The following PARPBP variants were observed in gnomAD, a reference collection of about 807,000 sequenced individuals.
PARPBP encodes the protein PARP1 binding protein.
Under a neutral mutation model 50.0 loss-of-function variants are expected in PARPBP, and 52 were observed. That is an observed-to-expected ratio of 1.04 (90% CI 0.83 to 1.31). The LOEUF is 1.31. Ranked by LOEUF, PARPBP falls within the 50% of genes most tolerant of loss-of-function variation. PARPBP has a pLI of 0.00. For missense variants in PARPBP, 697 were observed against 672.0 expected (o/e 1.04, Z -0.41); for synonymous variants, 244 against 232.1 (o/e 1.05, Z -0.47).
chr12:102,184,046 G>GAAAAA (rs71438459), intron 9 of PARPBP, among the ~76,000 whole-genome samples: 26 of 59,900 alleles, frequency 4.3e-4, no homozygotes, highest in Admixed American at 8.4e-4. Context: ...GACTCTATCT[G>GAAAAA]AAAAAAAAAA....
intron 9 of PARPBP, among the ~76,000 whole-genome samples, chr12:102,187,542 T>A (rs1890407709): frequency 6.6e-6 from 1 of 152,172 alleles, no homozygotes; most frequent in African/African-American, 2.4e-5. Context: ...CCTAATGAGA[T>A]GAAGTGAACC....
At chr12:102,181,285 A>G (rs564046176) in intron 8 of PARPBP, among the ~76,000 whole-genome samples, 1 of 152,318 alleles carries the variant, frequency 6.6e-6, no homozygotes, top group South Asian at 2.1e-4. Context: ...TAAGCAAACT[A>G]TTAATATTTA....
intron 4 of PARPBP, among the ~76,000 whole-genome samples, chr12:102,157,975 C>A (rs1887135914): frequency 6.6e-6 from 1 of 151,744 alleles, no homozygotes; most frequent in African/African-American, 2.4e-5. Context: ...AAAAAAGTAG[C>A]CAGGTGTAAT....
chr12:102,128,370 T>A (rs1055055673), intron 2 of PARPBP, among the ~76,000 whole-genome samples: 5 of 152,290 alleles, frequency 3.3e-5, no homozygotes, highest in African/African-American at 1.2e-4. Context: ...TAGCTGGGAC[T>A]GCAGGCACCC....
intron 4 of PARPBP, among the ~76,000 whole-genome samples, chr12:102,160,840 TGGGA>T (rs1368374345): frequency 6.6e-6 from 1 of 151,640 alleles, no homozygotes; most frequent in African/African-American, 2.4e-5. Context: ...CTCAGCTACT[TGGGA>T]GGCTGAGGCA....
Position 102,175,126 on chromosome 12 carries a change from T to C in PARPBP, c.822-357T>C, listed in dbSNP as rs372851124. Among the ~76,000 whole-genome samples, 17 of 152,320 alleles carry C rather than the reference T, an allele frequency of 1.1e-4. 1 individual carries two copies. Among genetic ancestry groups the C allele is most frequent in the Admixed American group, 2.0e-4 (3 of 15,292 alleles). The stretch of plus-strand genomic sequence containing the variant: ...TAAATGAATGTAAGAGTCTAGATAT[T>C]CAATGAGAGATAACTGTTCTTGTTA... On this transcript the variant is annotated intron_variant, in intron 6 of 10. Coordinates refer to ENST00000327680, the MANE Select transcript of PARPBP (RefSeq NM_017915.5).
chr12:102,175,489 AG>A lies in PARPBP; in HGVS notation c.833del (p.Gly278ValfsTer6). ...LGEIPNPSIA[G>X]GQILSVIKMQ... is the part of the protein sequence containing the mutation. Reference sequence around the variant, plus strand: ...ATCTAATTTCTATTTTCAGCATTGCAGGGGGTCAAATACTGTCAGTGATAAA... The same window carrying A: ...ATCTAATTTCTATTTTCAGCATTGCAGGGGTCAAATACTGTCAGTGATAAA... On this transcript the variant is annotated frameshift_variant, in exon 7 of 11. Coordinates refer to ENST00000327680, the MANE Select transcript of PARPBP (RefSeq NM_017915.5). LOFTEE classifies it high-confidence loss of function. 2.5e-6 allele frequency: 4 copies of A among 1,610,490 alleles called. No individual in the cohort carries two copies. Among genetic ancestry groups the A allele is most frequent in the African/African-American group, 2.7e-5 (2 of 74,964 alleles).
chr12:102,152,397 A>G (rs1253345439), intron 3 of PARPBP, among the ~76,000 whole-genome samples: 1 of 152,250 alleles, frequency 6.6e-6, no homozygotes, highest in Non-Finnish European at 1.5e-5. Context: ...TCTAGCAGAG[A>G]TGTAATGATG....
At chr12:102,184,062 A>AAG (rs1419095025) in intron 9 of PARPBP, among the ~76,000 whole-genome samples, 1 of 151,278 alleles carries the variant, frequency 6.6e-6, no homozygotes, top group Non-Finnish European at 1.5e-5. Flanking sequence ...AAAAAAAAAA[A>AAG]AAAAGAAAGA....
Position 102,164,609 on chromosome 12 carries a change from G to A in PARPBP, c.666+1G>A, listed in dbSNP as rs780072911. 2.5e-6 allele frequency: 4 copies of A among 1,612,660 alleles called. No homozygotes were observed. Among genetic ancestry groups the A allele is most frequent in the Non-Finnish European group, 2.5e-6 (3 of 1,178,984 alleles). On this transcript the variant is annotated splice_donor_variant, in intron 5 of 10. Transcript: ENST00000327680. LOFTEE classifies it high-confidence loss of function. ...AGAGAAACAAATGTCTATCTTTTTGGTATGGTTGTGTGACATGTTCAAAAT... is the reference window on the plus strand; with the variant it reads ...AGAGAAACAAATGTCTATCTTTTTGATATGGTTGTGTGACATGTTCAAAAT...
intron 9 of PARPBP, among the ~76,000 whole-genome samples, chr12:102,192,343 A>T (rs192730920): frequency 6.6e-6 from 1 of 152,116 alleles, no homozygotes; most frequent in East Asian, 1.9e-4. Context: ...TATTCCCATT[A>T]TGTGTGGATA....
rs978788691 is a variant in PARPBP, at chr12:102,120,241, C to T, written c.-49C>T. ...CGCGGGAGGGCATCCCGTTGGGGAT[C>T]CTTCCGCACACTGAAGAGTACGTCT... On this transcript the variant is annotated 5_prime_UTR_variant, in exon 1 of 11. Coordinates refer to ENST00000327680, the MANE Select transcript of PARPBP (RefSeq NM_017915.5). The T allele has an allele frequency of 9.1e-6, 2 of 220,368 alleles. No homozygotes were observed. Among genetic ancestry groups the T allele is most frequent in the East Asian group, 1.5e-4 (1 of 6,786 alleles). 13.7% of individuals were successfully genotyped at this position (220,368 alleles called of 1,614,324 possible). A position where few individuals can be genotyped will look rare whatever the true frequency, so the allele number is the denominator to read the frequency against.
intron 3 of PARPBP, chr12:102,151,749 G>A (rs1262984817): frequency 3.3e-6 from 5 of 1,535,642 alleles, no homozygotes; most frequent in Non-Finnish European, 3.5e-6. Flanking sequence ...TTCCCATCAC[G>A]GTCCAGAAGA....
At position 102,167,996 on chromosome 12, in the gene PARPBP, A is replaced by C. The variant is rs1182081413; in HGVS notation, c.821+2113A>C. 2.0e-5 allele frequency among the ~76,000 whole-genome samples: 3 copies of C among 152,096 alleles called. No homozygotes were observed. The East Asian group carries it at 5.8e-4, about 29-fold the overall frequency. On this transcript the variant is annotated intron_variant, in intron 6 of 10. Transcript: ENST00000327680. The stretch of plus-strand genomic sequence containing the variant: ...TAATTTCTGAGTTTGCTTCTTACTG[A>C]TGTTCCTCTTAGCAGTTACTTAGGT...
At chr12:102,151,614 G>C (rs1302205396) in intron 3 of PARPBP, 6 of 1,535,554 alleles carry the variant, frequency 3.9e-6, no homozygotes, top group Non-Finnish European at 5.2e-6. Context: ...GCTTGCTGCT[G>C]TCTAGGCCAG....
rs534675334 is a variant in PARPBP, at chr12:102,196,027, T to A, written c.1476T>A (p.Asn492Lys). ...ATGTTCATCTGGACAGAAGTAAAAA[T>A]GAAAAAGTATCAAGAAAATCAACCA... ...FGNVHLDRSK[N>K]EKVSRKSTSQ... The change falls in exon 11 of 11, where the codon AAT becomes AAA. Residue 492 changes from asparagine (N) to lysine (K), a missense_variant. By Grantham distance (94) the Asn-to-Lys change is moderately conservative (BLOSUM62 0). Transcript: ENST00000327680. 5.0e-6 allele frequency: 8 copies of A among 1,610,876 alleles called. No homozygotes were observed. The South Asian group carries it at 6.6e-5, about 13-fold the overall frequency.
intron 3 of PARPBP, among the ~76,000 whole-genome samples, chr12:102,151,353 G>A (rs534377689): frequency 6.6e-6 from 1 of 152,270 alleles, no homozygotes; most frequent in East Asian, 1.9e-4. Context: ...AACTACCCAC[G>A]GAAGAATGCA....
At chr12:102,183,318 C>A (rs915185388) in intron 9 of PARPBP, among the ~76,000 whole-genome samples, 1 of 152,032 alleles carries the variant, frequency 6.6e-6, no homozygotes, top group Non-Finnish European at 1.5e-5. Context: ...AATTTATAAT[C>A]ATCCTTAAAC....
chr12:102,148,069 A>G (rs1378383076), intron 2 of PARPBP, among the ~76,000 whole-genome samples, 161 bp from the exon 3 acceptor site: 1 of 152,190 alleles, frequency 6.6e-6, no homozygotes, highest in Non-Finnish European at 1.5e-5. Context: ...TCTGGTTTCC[A>G]AAATTGTCTC....
Sources: gnomAD v4.1 joint callset for allele counts (sites outside exome capture counted in the v4.1 genomes callset) on GRCh38, gnomAD v4.1.1 for gene constraint, MANE v1.5 for transcripts, NCBI Gene and HGNC (gene_info 2026-07-23, HGNC 2026-07-21) for gene names.